The following TNFRSF19 variants were observed in gnomAD, a reference collection of about 807,000 sequenced individuals.
TNFRSF19 encodes the protein TNF receptor superfamily member 19.
A neutral mutation model predicts 46.4 loss-of-function variants in TNFRSF19; 27 were observed. That is an observed-to-expected ratio of 0.58 (90% CI 0.43 to 0.80). The LOEUF is 0.80. Ranked by LOEUF, TNFRSF19 falls within the 30% of genes least tolerant of loss-of-function variation. The pLI, the probability that TNFRSF19 is intolerant of heterozygous loss-of-function variation, is 0.00. For missense variants in TNFRSF19, 511 were observed against 530.8 expected (o/e 0.96, Z 0.37); for synonymous variants, 204 against 205.0 (o/e 1.00, Z 0.04).
intron 2 of TNFRSF19, among the ~76,000 whole-genome samples, chr13:23,591,918 G>A (rs1879339224): frequency 6.6e-6 from 1 of 151,914 alleles, no homozygotes; most frequent in South Asian, 2.1e-4. Flanking sequence ...GTAGAGACAA[G>A]GTTTCACCAT....
At chr13:23,616,586 T>TTTG in intron 4 of TNFRSF19, among the ~76,000 whole-genome samples, 1 of 152,192 alleles carries the variant, frequency 6.6e-6, no homozygotes, top group Admixed American at 6.5e-5. Context: ...GTTTGTTTTG[T>TTTG]TTTGTTCTGT....
intron 2 of TNFRSF19, 79 bp from the exon 3 acceptor site, chr13:23,593,266 T>C (rs7337623): frequency 2.5e-6 from 2 of 795,794 alleles, no homozygotes; most frequent in South Asian, 1.9e-5. Flanking sequence ...TGACTAATAT[T>C]GAAAATATTG....
intron 5 of TNFRSF19, among the ~76,000 whole-genome samples, chr13:23,652,053 C>T (rs1883683376): frequency 6.6e-6 from 1 of 152,092 alleles, no homozygotes; most frequent in Middle Eastern, 3.2e-3. Context: ...AGGGTTATTA[C>T]AGCGCCCAGA....
At chr13:23,598,968 C>G (rs1879929509) in intron 3 of TNFRSF19, among the ~76,000 whole-genome samples, 1 of 152,170 alleles carries the variant, frequency 6.6e-6, no homozygotes, top group Non-Finnish European at 1.5e-5. Context: ...GATTTTTGAT[C>G]AATGATCTAT....
At chr13:23,590,093 C>A in intron 1 of TNFRSF19, 57 bp from the exon 2 acceptor site, 3 of 817,560 alleles carry the variant, frequency 3.7e-6, no homozygotes, top group South Asian at 1.6e-5. Flanking sequence ...ATATAGTAAA[C>A]AAAGCACAGT....
At chr13:23,669,783 C>T in intron 9 of TNFRSF19, 1 of 904,250 alleles carries the variant, frequency 1.1e-6, no homozygotes, top group Non-Finnish European at 1.3e-6. Context: ...CACGTCTCTG[C>T]TTTCTTCAGG....
intron 3 of TNFRSF19, among the ~76,000 whole-genome samples, chr13:23,600,278 T>G (rs2138208519): frequency 6.6e-6 from 1 of 152,322 alleles, no homozygotes. Flanking sequence ...CTCTTAGATC[T>G]GCAAGAGAAG....
intron 4 of TNFRSF19, among the ~76,000 whole-genome samples, chr13:23,617,217 T>G (rs1881360731): frequency 1.3e-5 from 2 of 151,122 alleles, no homozygotes; most frequent in African/African-American, 2.4e-5. Flanking sequence ...GCCAAGGGAG[T>G]GGCAGAGAGA....
At chr13:23,596,078 C>T (rs908771615) in intron 3 of TNFRSF19, among the ~76,000 whole-genome samples, 1 of 152,158 alleles carries the variant, frequency 6.6e-6, no homozygotes, top group Admixed American at 6.5e-5. Flanking sequence ...TTTGTCACCA[C>T]CAGGCCTGCC....
intron 4 of TNFRSF19, among the ~76,000 whole-genome samples, chr13:23,625,504 AT>A (rs1238111919): frequency 1.3e-5 from 2 of 151,148 alleles, no homozygotes; most frequent in African/African-American, 4.9e-5. Flanking sequence ...ATTTTTTTGT[AT>A]TTTTAGTAGA....
rs779099629 is a variant in TNFRSF19 at position 23,668,802 on chromosome 13, G to A, written c.950G>A (p.Gly317Asp). Residue 317 changes from glycine to aspartate, a missense_variant, in exon 9 of 10, where the codon GGT becomes GAT. By Grantham distance (94) the Gly-to-Asp change is moderately conservative (BLOSUM62 -1). Transcript: ENST00000248484. Reference sequence around the variant, plus strand: ...CCTCTGATGCAGAATCCCATGGGTGGTGACAACATCTCTTTTTGTGACTCT... The same window carrying A: ...CCTCTGATGCAGAATCCCATGGGTGATGACAACATCTCTTTTTGTGACTCT... ...AWPLMQNPMG[G>D]DNISFCDSYP... 2 of 1,614,246 alleles carry A rather than the reference G, an allele frequency of 1.2e-6. No homozygotes were observed. Among genetic ancestry groups the A allele is most frequent in the Non-Finnish European group, 8.5e-7 (1 of 1,180,056 alleles).
Position 23,591,892 on chromosome 13 carries a change from A to G in TNFRSF19, c.70-1453A>G, listed in dbSNP as rs185754522. Reference sequence around the variant, plus strand: ...CAGGTGCGCACCACCACACCTAGCTAATTTTTGTATTTTTGGTAGAGACAA... The same window carrying G: ...CAGGTGCGCACCACCACACCTAGCTGATTTTTGTATTTTTGGTAGAGACAA... On this transcript the variant is annotated intron_variant, in intron 2 of 9. Coordinates refer to ENST00000248484, the MANE Select transcript of TNFRSF19 (RefSeq NM_148957.4). Among the ~76,000 whole-genome samples, 323 of 152,014 alleles carry G rather than the reference A, an allele frequency of 2.1e-3. 2 individuals are homozygous for G. Among genetic ancestry groups the G allele is most frequent in the African/African-American group, 7.4e-3 (307 of 41,462 alleles).
intron 3 of TNFRSF19, among the ~76,000 whole-genome samples, chr13:23,599,990 C>T (rs1442964502): frequency 6.6e-6 from 1 of 152,252 alleles, no homozygotes; most frequent in East Asian, 1.9e-4. Flanking sequence ...TTTCCCAAAT[C>T]TCAGTGAAAA....
chr13:23,653,830 C>T (rs551330833), intron 5 of TNFRSF19, among the ~76,000 whole-genome samples: 6 of 152,286 alleles, frequency 3.9e-5, no homozygotes, highest in African/African-American at 1.4e-4. Context: ...CTTCATCTTT[C>T]ATGTAAATGC....
Position 23,659,328 on chromosome 13 carries a change from AAG to A in TNFRSF19, c.610+116_610+117del. 8.5e-7 allele frequency: 1 copy of A among 1,180,340 alleles called. No individual in the cohort carries two copies. Among genetic ancestry groups the A allele is most frequent in the Non-Finnish European group, 1.2e-6 (1 of 845,084 alleles). The allele number at this position is 1,180,340 out of a possible 1,614,324, so 73.1% of individuals were successfully genotyped here. ...TGAGACAAGCACCAGTGAGTTGTGA[AAG>A]AACGCAGGGCACAAGAAACACAGGT... On this transcript the variant is annotated intron_variant, in intron 6 of 9. Coordinates refer to ENST00000248484, the MANE Select transcript of TNFRSF19 (RefSeq NM_148957.4). The surrounding 1 kb of genome is among the most constrained non-coding windows in gnomAD (Gnocchi z 4.9).
chr13:23,591,567 A>G (rs1226471635), intron 2 of TNFRSF19, among the ~76,000 whole-genome samples: 1 of 152,100 alleles, frequency 6.6e-6, no homozygotes, highest in Non-Finnish European at 1.5e-5. Flanking sequence ...ACATTGAATA[A>G]TGGTCTAAGA....
Position 23,660,438 on chromosome 13 carries a change from A to G in TNFRSF19, c.684A>G (p.Glu228=). The G allele has an allele frequency of 1.2e-6, 2 of 1,613,826 alleles. No homozygotes were observed. Among genetic ancestry groups the G allele is most frequent in the Non-Finnish European group, 8.5e-7 (1 of 1,180,022 alleles). ...LSCFDRPQLH[E]YAHRACCQCR... ...GTTTTGACAGACCTCAGCTCCACGA[A>G]TATGCCCACAGAGCCTGCTGCCAGT... The change falls in exon 7 of 10, where the codon GAA becomes GAG. Residue 228 remains glutamate, a synonymous_variant. Coordinates refer to ENST00000248484, the MANE Select transcript of TNFRSF19 (RefSeq NM_148957.4).
rs940927508 is a variant in TNFRSF19, at chr13:23,659,655, C to T, written c.610+441C>T. On this transcript the variant is annotated intron_variant, in intron 6 of 9. Transcript: ENST00000248484. The surrounding 1 kb of genome is among the most constrained non-coding windows in gnomAD (Gnocchi z 4.9). ...CGGAGTAGCTGGGACTACAGGCGCC[C>T]GCCACCACGCCTGGATAATTTTTGT... is the stretch of plus-strand genomic sequence containing the variant. Among the ~76,000 whole-genome samples the T allele has an allele frequency of 1.3e-5, 2 of 151,992 alleles. No individual in the cohort carries two copies. The highest frequency in any genetic ancestry group is 2.4e-5 in the African/African-American group (1 of 41,466).
At chr13:23,626,531 A>G (rs1374611397) in intron 4 of TNFRSF19, among the ~76,000 whole-genome samples, 176 bp from the exon 5 acceptor site, 1 of 152,016 alleles carries the variant, frequency 6.6e-6, no homozygotes, top group Admixed American at 6.6e-5. Flanking sequence ...GGGAATTGAT[A>G]TTTCTTAAGT....
Sources: gnomAD v4.1 joint callset for allele counts (sites outside exome capture counted in the v4.1 genomes callset) on GRCh38, gnomAD v4.1.1 for gene constraint, Gnocchi (gnomAD v3.1) non-coding constraint, MANE v1.5 for transcripts, NCBI Gene and HGNC (gene_info 2026-07-23, HGNC 2026-07-21) for gene names.